LRRCC1: variants seen among roughly 807,000 people sequenced by gnomAD.
The protein encoded by LRRCC1 is leucine-rich repeat and coiled-coil domain-containing protein 1.
In LRRCC1, 115 loss-of-function variants were observed where a neutral mutation model predicts 126.0. The ratio of observed to expected loss-of-function variants is 0.91; its 90% CI spans 0.78 to 1.07. LRRCC1 has a LOEUF of 1.07. Ranked by LOEUF, LRRCC1 falls within the 50% of genes least tolerant of loss-of-function variation. LRRCC1 has a pLI of 0.00. For synonymous variants in LRRCC1, 400 were observed against 393.4 expected (o/e 1.02, Z -0.20); for missense variants, 1,172 against 1,175.7 (o/e 1.00, Z 0.05).
chr8:85,129,503 C>T, intron 10 of LRRCC1, 124 bp downstream of exon 10: 1 of 780,154 alleles, frequency 1.3e-6, no homozygotes, highest in Non-Finnish European at 2.1e-6. Flanking sequence ...AATTAAATTG[C>T]TGTTAATTTA....
chr8:85,123,631 T>G (rs777921106), intron 7 of LRRCC1, 25 bp downstream of exon 7: 1 of 1,505,746 alleles, frequency 6.6e-7, no homozygotes, highest in Non-Finnish European at 9.0e-7. Flanking sequence ...TTTAGAAATT[T>G]AAGGCACACA....
At chr8:85,107,641 C>T (rs754141378) in intron 1 of LRRCC1, 27 of 384,766 alleles carry the variant, frequency 7.0e-5, no homozygotes, top group Non-Finnish European at 9.8e-5. Context: ...CTCTGCTTAG[C>T]CTAGAAACTG....
At chr8:85,128,093 G>A (rs1468173571) in intron 9 of LRRCC1, among the ~76,000 whole-genome samples, 2 of 152,236 alleles carry the variant, frequency 1.3e-5, no homozygotes, top group Non-Finnish European at 2.9e-5. Context: ...GGCAAAGCCT[G>A]AGTGTTGTAG....
At chr8:85,132,912 G>A (rs1323947064) in intron 12 of LRRCC1, among the ~76,000 whole-genome samples, 1 of 152,088 alleles carries the variant, frequency 6.6e-6, no homozygotes, top group Non-Finnish European at 1.5e-5. Flanking sequence ...TACATCTTCA[G>A]TTTTTCCGCT....
intron 6 of LRRCC1, among the ~76,000 whole-genome samples, chr8:85,119,490 C>G (rs1358954241): frequency 6.8e-6 from 1 of 146,628 alleles, no homozygotes; most frequent in East Asian, 2.0e-4. Flanking sequence ...TGTTTGTTTT[C>G]TAGCACTTTT....
rs755739398 is a variant in LRRCC1, at chr8:85,141,490, G to A, written c.2949G>A (p.Gln983=). 6.2e-7 allele frequency: 1 copy of A among 1,611,314 alleles called. No individual in the cohort carries two copies. Among genetic ancestry groups the A allele is most frequent in the Non-Finnish European group, 8.5e-7 (1 of 1,178,322 alleles). Residue 983 remains glutamine (Q), a synonymous_variant, in exon 18 of 19, where the codon CAG becomes CAA. Transcript: ENST00000360375. The part of the protein sequence containing the change: ...AEIAQLANEK[Q]KCIDSANLKV... ...TAGCACAGCTGGCCAATGAAAAGCA[G>A]AAGTGTATTGATTCTGCAAATTTAA...
chr8:85,141,819 A>G (rs1380275608), intron 18 of LRRCC1, among the ~76,000 whole-genome samples: 1 of 152,220 alleles, frequency 6.6e-6, no homozygotes, highest in African/African-American at 2.4e-5. Context: ...CTTTGGTTAC[A>G]CATAGGCAGG....
chr8:85,115,379 T>C lies in LRRCC1; in HGVS notation c.725T>C (p.Ile242Thr), dbSNP rs771486954. The C allele has an allele frequency of 1.9e-6, 3 of 1,612,094 alleles. No homozygotes were observed. The highest frequency in any genetic ancestry group is 1.7e-6 in the Non-Finnish European group (2 of 1,178,388). ...SPLNISEDEI[I>T]DRMPVITAPI... ...TGGTTTGTTTCTGTGTCATAGATCA[T>C]TGATAGAATGCCAGTGATAACAGCA... is the stretch of plus-strand genomic sequence containing the variant. The change falls in exon 6 of 19, where the codon ATT (isoleucine) becomes ACT (threonine). Residue 242 changes from isoleucine to threonine, a missense_variant. Ile to Thr is a moderately conservative substitution (Grantham distance 89). Transcript: ENST00000360375.
intron 4 of LRRCC1, 91 bp from the exon 5 acceptor site, chr8:85,115,009 T>C (rs1808997117): frequency 1.1e-6 from 1 of 927,674 alleles, no homozygotes. Context: ...TTCCGGGTGA[T>C]GTATCTGGTA....
intron 17 of LRRCC1, among the ~76,000 whole-genome samples, chr8:85,139,830 G>A (rs769321832): frequency 2.0e-5 from 3 of 152,146 alleles, no homozygotes; most frequent in Non-Finnish European, 1.5e-5. Context: ...TTCTAATTAT[G>A]TCAAATCTAA....
chr8:85,117,740 C>T (rs574072407), intron 6 of LRRCC1, among the ~76,000 whole-genome samples: 2 of 152,070 alleles, frequency 1.3e-5, no homozygotes, highest in Non-Finnish European at 2.9e-5. Flanking sequence ...GTATATCCAC[C>T]AACCAGATTC....
At chr8:85,114,017 G>C (rs1327062030) in intron 4 of LRRCC1, among the ~76,000 whole-genome samples, 2 of 152,054 alleles carry the variant, frequency 1.3e-5, no homozygotes, top group African/African-American at 2.4e-5. Flanking sequence ...TTGCAGCATG[G>C]AAACCTGTGT....
chr8:85,145,597 A>G lies in LRRCC1; in HGVS notation c.*86A>G. 1 of 1,111,520 alleles carries G rather than the reference A, an allele frequency of 9.0e-7. No individual in the cohort carries two copies. Among genetic ancestry groups the G allele is most frequent in the Non-Finnish European group, 1.3e-6 (1 of 795,962 alleles). 68.9% of individuals were successfully genotyped at this position (1,111,520 alleles called of 1,614,324 possible). A position where few individuals can be genotyped will look rare whatever the true frequency, so the allele number is the denominator to read the frequency against. ...TATTGTAATAGTAGTAACTGCTATG[A>G]CTTTGAAATGTCTCTTTCTATACAT... On this transcript the variant is annotated 3_prime_UTR_variant, in exon 19 of 19. Coordinates refer to ENST00000360375, the MANE Select transcript of LRRCC1 (RefSeq NM_033402.5).
chr8:85,111,083 C>T (rs1342909881), intron 3 of LRRCC1, among the ~76,000 whole-genome samples: 1 of 152,084 alleles, frequency 6.6e-6, no homozygotes, highest in Admixed American at 6.6e-5. Flanking sequence ...AGTATTAGAA[C>T]TGAGTTTGTT....
chr8:85,109,618 C>A lies in LRRCC1; in HGVS notation c.128C>A (p.Ser43Ter). ...AGCATATCAGAATTATCTTTAGATT[C>A]AACTCTTCATGCCGTCAATCTTCAT... The part of the protein sequence containing the change: ...LQSISELSLD[S>*]TLHAVNLHCN... Residue 43 changes from serine to a stop codon, truncating the protein, a stop_gained, in exon 2 of 19, where the codon TCA becomes TAA. Coordinates refer to ENST00000360375, the MANE Select transcript of LRRCC1 (RefSeq NM_033402.5). LOFTEE classifies it high-confidence loss of function. 1 of 1,604,642 alleles carries A rather than the reference C, an allele frequency of 6.2e-7. No individual in the cohort carries two copies. The highest frequency in any genetic ancestry group is 8.5e-7 in the Non-Finnish European group (1 of 1,173,148).
intron 3 of LRRCC1, among the ~76,000 whole-genome samples, chr8:85,112,313 T>C (rs1808792845): frequency 6.6e-6 from 1 of 152,194 alleles, no homozygotes; most frequent in African/African-American, 2.4e-5. Context: ...ATTACATAGC[T>C]TTTTATATGA....
chr8:85,115,157 A>T lies in LRRCC1; in HGVS notation c.602A>T (p.Asn201Ile). Reference sequence around the variant, plus strand: ...CAGCTTAGAATCCTAGATTGCAAGAACATATTTGGTGAACCAGTAAATTTG... The same window carrying T: ...CAGCTTAGAATCCTAGATTGCAAGATCATATTTGGTGAACCAGTAAATTTG... ...LPQLRILDCK[N>I]IFGEPVNLTE... The change falls in exon 5 of 19, where the codon AAC (asparagine) becomes ATC (isoleucine). Residue 201 changes from asparagine (N) to isoleucine (I), a missense_variant. Coordinates refer to ENST00000360375, the MANE Select transcript of LRRCC1 (RefSeq NM_033402.5). 1 of 1,613,038 alleles carries T rather than the reference A, an allele frequency of 6.2e-7. No homozygotes were observed. The highest frequency in any genetic ancestry group is 1.1e-5 in the South Asian group (1 of 90,944).
At chr8:85,137,865 T>C (rs924273346) in intron 15 of LRRCC1, among the ~76,000 whole-genome samples, 170 bp from the exon 16 acceptor site, 1 of 152,172 alleles carries the variant, frequency 6.6e-6, no homozygotes, top group African/African-American at 2.4e-5. Context: ...TTATGGCCTT[T>C]GGAATAACTG....
intron 18 of LRRCC1, among the ~76,000 whole-genome samples, chr8:85,145,117 G>GTGTATATATATA (rs1554679351): frequency 7.0e-5 from 10 of 143,332 alleles, no homozygotes; most frequent in African/African-American, 2.3e-4. Flanking sequence ...ATATATGTGT[G>GTGTATATATATA]TATATATATA....
Sources: gnomAD v4.1 joint callset for allele counts (sites outside exome capture counted in the v4.1 genomes callset) on GRCh38, gnomAD v4.1.1 for gene constraint, MANE v1.5 for transcripts, NCBI Gene and HGNC (gene_info 2026-07-23, HGNC 2026-07-21) for gene names.